Variants in FBXO25 observed in about 807,000 individuals in gnomAD.
FBXO25 encodes F-box protein 25, also known as F-box only protein 25.
A neutral mutation model predicts 51.9 loss-of-function variants in FBXO25; 45 were observed. That is an observed-to-expected ratio of 0.87 (90% CI 0.68 to 1.11). The LOEUF is 1.11. Ranked by LOEUF, FBXO25 falls within the 50% of genes most tolerant of loss-of-function variation. The pLI is 0.00. For missense variants in FBXO25, 507 were observed against 428.5 expected (o/e 1.18, Z -1.62); for synonymous variants, 199 against 151.0 (o/e 1.32, Z -2.33).
chr8:468,973 C>A lies in FBXO25; in HGVS notation c.*169C>A. 1 of 580,870 alleles carries A rather than the reference C, an allele frequency of 1.7e-6. No homozygotes were observed. The highest frequency in any genetic ancestry group is 3.0e-5 in the East Asian group (1 of 32,852). 36.0% of individuals were successfully genotyped at this position (580,870 alleles called of 1,614,324 possible). A position where few individuals can be genotyped will look rare whatever the true frequency, so the allele number is the denominator to read the frequency against. ...GGGGACTGCATGGTTGCATTTTCAT[C>A]ACTGAAAGTCAGAGGCCAAGGAAAT... On this transcript the variant is annotated 3_prime_UTR_variant, in exon 10 of 10. Coordinates refer to ENST00000350302, the MANE Select transcript of FBXO25 (RefSeq NM_183420.2).
chr8:455,115 C>T (rs956968217), intron 7 of FBXO25, among the ~76,000 whole-genome samples: 2 of 152,152 alleles, frequency 1.3e-5, no homozygotes, highest in Non-Finnish European at 2.9e-5. Flanking sequence ...ATGGGAACTT[C>T]CGCATCCAGG....
chr8:443,946 CAGATTGTGGG>C (rs1052125880), intron 5 of FBXO25, among the ~76,000 whole-genome samples: 99 of 152,352 alleles, frequency 6.5e-4, no homozygotes, highest in African/African-American at 2.2e-3. Context: ...GGCACAAGCA[CAGATTGTGGG>C]ATCCCCCTGC....
chr8:419,762 C>G (rs1015403087), intron 2 of FBXO25, among the ~76,000 whole-genome samples: 3 of 151,992 alleles, frequency 2.0e-5, no homozygotes, highest in African/African-American at 7.3e-5. Context: ...TTTTTAGATA[C>G]GATACCAAAA....
chr8:468,795 C>A lies in FBXO25; in HGVS notation c.1068C>A (p.Phe356Leu). 1 of 1,613,948 alleles carries A rather than the reference C, an allele frequency of 6.2e-7. No individual in the cohort carries two copies. Among genetic ancestry groups the A allele is most frequent in the Non-Finnish European group, 8.5e-7 (1 of 1,179,980 alleles). The change falls in exon 10 of 10, where the codon TTC becomes TTA. Residue 356 changes from phenylalanine to leucine, a missense_variant. Transcript: ENST00000350302. ...CTCCGCAGCACTTCATCGACCTCTT[C>A]AAGTTTTAAGGGCTGCCCCTGCCAT... ...PVSPQHFIDL[F>L]KF
chr8:428,857 C>T (rs1240911403), intron 2 of FBXO25, among the ~76,000 whole-genome samples: 2 of 152,172 alleles, frequency 1.3e-5, no homozygotes, highest in African/African-American at 4.8e-5. Context: ...CCTGTTGTAG[C>T]ATGTGTCAGC....
chr8:429,194 T>C (rs1432731778), intron 2 of FBXO25, among the ~76,000 whole-genome samples: 2 of 151,432 alleles, frequency 1.3e-5, no homozygotes, highest in Admixed American at 1.3e-4. Context: ...CACATGCATG[T>C]CAACACTTGT....
At chr8:440,760 C>G (rs193021996) in intron 5 of FBXO25, among the ~76,000 whole-genome samples, 2 of 151,114 alleles carry the variant, frequency 1.3e-5, no homozygotes, top group South Asian at 2.1e-4. Flanking sequence ...CCGACAGGCC[C>G]TGGTGTGTGA....
intron 2 of FBXO25, among the ~76,000 whole-genome samples, chr8:417,163 C>T (rs991652371): frequency 1.3e-5 from 2 of 152,196 alleles, no homozygotes; most frequent in Non-Finnish European, 2.9e-5. Flanking sequence ...AAGATCCCAG[C>T]CTGACTGGGT....
At chr8:446,522 A>G (rs1168379654) in intron 5 of FBXO25, among the ~76,000 whole-genome samples, 3 of 152,190 alleles carry the variant, frequency 2.0e-5, no homozygotes, top group Non-Finnish European at 4.4e-5. Context: ...TCCAGCTATT[A>G]TTAGCGATAA....
chr8:453,924 G>C (rs1799255802), intron 7 of FBXO25, among the ~76,000 whole-genome samples: 1 of 152,100 alleles, frequency 6.6e-6, no homozygotes, highest in Admixed American at 6.5e-5. Context: ...AGGAGTTCGA[G>C]ACCAGCCTGG....
At chr8:424,832 T>A (rs2117545986) in intron 2 of FBXO25, among the ~76,000 whole-genome samples, 1 of 152,324 alleles carries the variant, frequency 6.6e-6, no homozygotes, top group East Asian at 1.9e-4. Context: ...TTAGGAGTGC[T>A]TTGGCTATTT....
At chr8:417,377 G>A (rs142660402) in intron 2 of FBXO25, among the ~76,000 whole-genome samples, 250 of 152,348 alleles carry the variant, frequency 1.6e-3, no homozygotes, top group African/African-American at 5.8e-3. Flanking sequence ...TAACCCCCAT[G>A]GGAAATGATC....
At chr8:439,630 C>G (rs7821977) in intron 5 of FBXO25, among the ~76,000 whole-genome samples, 3,132 of 152,262 alleles carry the variant, frequency 0.021, 90 homozygotes, top group African/African-American at 0.072. Flanking sequence ...AAGAGTCGGT[C>G]TCTCTTATCT....
intron 5 of FBXO25, among the ~76,000 whole-genome samples, chr8:438,147 T>G (rs1453986111): frequency 6.6e-6 from 1 of 152,034 alleles, no homozygotes; most frequent in Non-Finnish European, 1.5e-5. Context: ...CTCTGATTCC[T>G]GGGTTCCAGT....
At chr8:420,162 G>A (rs1797062983) in intron 2 of FBXO25, among the ~76,000 whole-genome samples, 1 of 152,132 alleles carries the variant, frequency 6.6e-6, no homozygotes, top group South Asian at 2.1e-4. Context: ...ATAACAGTAT[G>A]TTCTGGGGAA....
intron 7 of FBXO25, among the ~76,000 whole-genome samples, chr8:453,167 A>G (rs917427649): frequency 6.6e-6 from 1 of 152,246 alleles, no homozygotes; most frequent in African/African-American, 2.4e-5. Context: ...ATAAGGTACA[A>G]AAATGAAATT....
At chr8:448,013 C>G (rs965990244) in intron 5 of FBXO25, among the ~76,000 whole-genome samples, 3 of 151,366 alleles carry the variant, frequency 2.0e-5, no homozygotes, top group African/African-American at 7.3e-5. Context: ...TTGGGAAACA[C>G]AAAAAAGGTG....
At chr8:452,983 C>A (rs917001543) in intron 7 of FBXO25, among the ~76,000 whole-genome samples, 2 of 152,176 alleles carry the variant, frequency 1.3e-5, no homozygotes, top group Non-Finnish European at 2.9e-5. Context: ...TGCATGTGGC[C>A]CCAGCTTGCC....
intron 2 of FBXO25, among the ~76,000 whole-genome samples, chr8:420,115 G>A (rs2121888): frequency 6.6e-6 from 1 of 152,014 alleles, no homozygotes; most frequent in Non-Finnish European, 1.5e-5. Context: ...CTGAGGCCAC[G>A]GTACCATTTG....
Sources: gnomAD v4.1 joint callset for allele counts (sites outside exome capture counted in the v4.1 genomes callset) on GRCh38, gnomAD v4.1.1 for gene constraint, MANE v1.5 for transcripts, NCBI Gene and HGNC (gene_info 2026-07-23, HGNC 2026-07-21) for gene names.